ATXN7: variants seen among roughly 807,000 people sequenced by gnomAD.
ATXN7 encodes ataxin-7.
ATXN7 carries 12 observed loss-of-function variants against 70.5 expected under a neutral mutation model. The observed-to-expected ratio is 0.17, with a 90% confidence interval of 0.11 to 0.28. The LOEUF (loss-of-function observed/expected upper bound fraction) is 0.28. Among genes scored for constraint, ATXN7 ranks in the 10% least tolerant of loss-of-function variants. The pLI is 1.00. For missense variants in ATXN7, 1,256 were observed against 1,131.7 expected (o/e 1.11, Z -1.58); for synonymous variants, 498 against 448.7 (o/e 1.11, Z -1.39).
At chr3:63,984,327 T>C (rs1361907097) in intron 8 of ATXN7, among the ~76,000 whole-genome samples, 1 of 152,214 alleles carries the variant, frequency 6.6e-6, no homozygotes, top group Non-Finnish European at 1.5e-5. Context: ...TCCTTGGATT[T>C]CTAGGTTAAA....
At chr3:63,871,087 T>C (rs1255540983) in intron 1 of ATXN7, among the ~76,000 whole-genome samples, 2 of 152,208 alleles carry the variant, frequency 1.3e-5, no homozygotes, top group African/African-American at 2.4e-5. Context: ...TTGCTTCGTT[T>C]CCTGCTTTTC....
At chr3:63,877,943 A>G (rs1702793610) in intron 1 of ATXN7, among the ~76,000 whole-genome samples, 2 of 152,216 alleles carry the variant, frequency 1.3e-5, no homozygotes, top group African/African-American at 4.8e-5. Context: ...CTGTGGAAAA[A>G]GAAAAGTGCT....
At chr3:63,953,306 G>A (rs1344246751) in intron 5 of ATXN7, among the ~76,000 whole-genome samples, 1 of 152,064 alleles carries the variant, frequency 6.6e-6, no homozygotes, top group Non-Finnish European at 1.5e-5. Context: ...GGAGCAACTC[G>A]GGCAGCAATC....
At chr3:63,912,149 C>G (rs945931378) in intron 2 of ATXN7, 1 of 152,096 alleles carries the variant, frequency 6.6e-6, no homozygotes, top group African/African-American at 2.4e-5. Context: ...GCGGGGCAGC[C>G]GGGCCGGGCC....
At chr3:63,921,657 T>G (rs1053100032) in intron 4 of ATXN7, among the ~76,000 whole-genome samples, 3 of 152,182 alleles carry the variant, frequency 2.0e-5, no homozygotes, top group Non-Finnish European at 2.9e-5. Flanking sequence ...TTTGCAGAAG[T>G]TAGCTTTACA....
At chr3:63,927,181 T>C (rs576368262) in intron 4 of ATXN7, among the ~76,000 whole-genome samples, 4 of 152,226 alleles carry the variant, frequency 2.6e-5, no homozygotes, top group East Asian at 3.8e-4. Context: ...ATATACCTAG[T>C]AATGGGACTG....
intron 4 of ATXN7, among the ~76,000 whole-genome samples, chr3:63,929,563 G>A (rs1413225458): frequency 1.3e-5 from 2 of 152,098 alleles, no homozygotes; most frequent in Admixed American, 6.6e-5. Flanking sequence ...GAGCCACTGC[G>A]CCCGGCCTGC....
At chr3:63,875,236 G>A (rs1185592470) in intron 1 of ATXN7, among the ~76,000 whole-genome samples, 1 of 152,096 alleles carries the variant, frequency 6.6e-6, no homozygotes, top group Non-Finnish European at 1.5e-5. Context: ...GACTGCAGGT[G>A]CATGCCATTA....
intron 2 of ATXN7, chr3:63,901,286 T>C (rs1396740407): frequency 1.3e-5 from 2 of 152,218 alleles, no homozygotes; most frequent in African/African-American, 4.8e-5. Flanking sequence ...CTTTATCTAG[T>C]CTCTTTGCAA....
At chr3:63,894,645 C>T (rs893108487) in intron 1 of ATXN7, among the ~76,000 whole-genome samples, 2 of 152,144 alleles carry the variant, frequency 1.3e-5, no homozygotes, top group African/African-American at 4.8e-5. Flanking sequence ...CTGCCTAAGC[C>T]TCCTGAGGAA....
At chr3:63,992,920 C>T (rs1576000955) in intron 11 of ATXN7, among the ~76,000 whole-genome samples, 1 of 152,316 alleles carries the variant, frequency 6.6e-6, no homozygotes, top group Non-Finnish European at 1.5e-5. Flanking sequence ...CAGCACTTCT[C>T]ATCCAGAGAA....
chr3:63,938,260 T>C (rs2074698394), intron 4 of ATXN7, among the ~76,000 whole-genome samples: 1 of 152,174 alleles, frequency 6.6e-6, no homozygotes, highest in South Asian at 2.1e-4. Flanking sequence ...GCATGATACT[T>C]TCTTGTGGAA....
intron 4 of ATXN7, among the ~76,000 whole-genome samples, chr3:63,934,183 C>A (rs933742398): frequency 1.3e-5 from 2 of 152,168 alleles, no homozygotes; most frequent in Admixed American, 1.3e-4. Context: ...CCCTTGTGTC[C>A]TGTCCTTTCA....
At chr3:63,888,080 A>G (rs1213030263) in intron 1 of ATXN7, among the ~76,000 whole-genome samples, 1 of 152,020 alleles carries the variant, frequency 6.6e-6, no homozygotes, top group East Asian at 1.9e-4. Flanking sequence ...TAAAACCTCT[A>G]TTTTCACTCC....
chr3:63,875,529 T>C (rs1321384015), intron 1 of ATXN7, among the ~76,000 whole-genome samples: 2 of 152,202 alleles, frequency 1.3e-5, no homozygotes, highest in Non-Finnish European at 2.9e-5. Flanking sequence ...CATCTTTTTA[T>C]TTCCCCACAG....
intron 6 of ATXN7, 44 bp from the exon 7 acceptor site, chr3:63,982,142 C>T (rs2075498844): frequency 6.2e-7 from 1 of 1,612,058 alleles, no homozygotes; most frequent in South Asian, 1.1e-5. Context: ...CTGGGGGCTG[C>T]TGAGGCACTC....
intron 5 of ATXN7, among the ~76,000 whole-genome samples, chr3:63,962,908 CTTT>C (rs71631179): frequency 7.3e-6 from 1 of 136,342 alleles, no homozygotes; most frequent in African/African-American, 2.7e-5. Context: ...TTTTGTATTT[CTTT>C]TTTTTTTTTT....
intron 4 of ATXN7, 95 bp from the exon 5 acceptor site, chr3:63,952,284 A>G: frequency 1.3e-6 from 1 of 791,436 alleles, no homozygotes; most frequent in Non-Finnish European, 2.0e-6. Flanking sequence ...GGTATACTTT[A>G]CAATAAGGCA....
intron 3 of ATXN7, 59 bp downstream of exon 3, chr3:63,912,982 C>T (rs1163013631): frequency 3.9e-6 from 5 of 1,280,150 alleles, no homozygotes; most frequent in Non-Finnish European, 2.1e-6. Flanking sequence ...CTCTCTCCTC[C>T]CCTCCCCCCT....
Sources: allele counts gnomAD v4.1 joint callset (sites outside exome capture counted in the v4.1 genomes callset), GRCh38; gene constraint gnomAD v4.1.1; transcripts MANE v1.5; gene names NCBI Gene and HGNC (gene_info 2026-07-23, HGNC 2026-07-21).